Variants in CDH18 observed in about 807,000 individuals in gnomAD.
The protein encoded by CDH18 is cadherin-18.
CDH18 carries 31 observed loss-of-function variants against 67.9 expected under a neutral mutation model. The observed-to-expected ratio is 0.46, with a 90% CI of 0.34 to 0.62. CDH18 has a LOEUF of 0.62. Among genes scored for constraint, CDH18 ranks in the 20% least tolerant of loss-of-function variants. CDH18 has a pLI of 0.01. For missense variants in CDH18, 890 were observed against 975.5 expected (o/e 0.91, Z 1.17); for synonymous variants, 362 against 347.2 (o/e 1.04, Z -0.48).
intron 2 of CDH18, among the ~76,000 whole-genome samples, chr5:19,898,021 T>C (rs1039196279): frequency 2.0e-5 from 3 of 152,126 alleles, no homozygotes; most frequent in African/African-American, 7.2e-5. Context: ...TCTATATGCA[T>C]GTGATGCTTC....
At chr5:19,951,776 C>T (rs558816884) in intron 2 of CDH18, among the ~76,000 whole-genome samples, 1 of 152,074 alleles carries the variant, frequency 6.6e-6, no homozygotes, top group South Asian at 2.1e-4. Flanking sequence ...AAGGTGCCAG[C>T]TGTTTGTTAT....
intron 2 of CDH18, among the ~76,000 whole-genome samples, chr5:19,912,039 T>A (rs1404410709): frequency 6.6e-6 from 1 of 152,074 alleles, no homozygotes; most frequent in African/African-American, 2.4e-5. Context: ...TCTGGAAATC[T>A]AAGGAGTCAT....
chr5:19,789,935 T>C (rs937197099), intron 3 of CDH18, among the ~76,000 whole-genome samples: 6 of 151,972 alleles, frequency 3.9e-5, no homozygotes, highest in Non-Finnish European at 8.8e-5. Flanking sequence ...TGTATGTAAA[T>C]AATATATACA....
chr5:19,623,321 A>G (rs1001299548), intron 5 of CDH18, among the ~76,000 whole-genome samples: 1 of 152,202 alleles, frequency 6.6e-6, no homozygotes, highest in African/African-American at 2.4e-5. Flanking sequence ...CAGGAAACTT[A>G]CACTCTATGG....
intron 5 of CDH18, among the ~76,000 whole-genome samples, chr5:19,636,914 T>C (rs1348165969): frequency 3.3e-5 from 5 of 152,166 alleles, no homozygotes; most frequent in Admixed American, 1.3e-4. Flanking sequence ...TACATAACAA[T>C]GGATTTACCT....
At chr5:20,550,329 C>T (rs756945043) in intron 1 of CDH18, among the ~76,000 whole-genome samples, 1 of 152,032 alleles carries the variant, frequency 6.6e-6, no homozygotes, top group African/African-American at 2.4e-5. Flanking sequence ...TATGAAGAAA[C>T]AATTTAGAAA....
chr5:20,205,252 G>T (rs1224439548), intron 2 of CDH18, among the ~76,000 whole-genome samples: 2 of 151,790 alleles, frequency 1.3e-5, no homozygotes, highest in African/African-American at 4.8e-5. Flanking sequence ...AACATAAAAT[G>T]ACAAAATGTC....
At chr5:19,744,808 T>C (rs1769761443) in intron 4 of CDH18, among the ~76,000 whole-genome samples, 1 of 152,192 alleles carries the variant, frequency 6.6e-6, no homozygotes, top group African/African-American at 2.4e-5. Flanking sequence ...GAGGGTAACA[T>C]ATTCATTTTT....
chr5:19,975,952 C>A (rs62353345), intron 2 of CDH18, among the ~76,000 whole-genome samples: 64,900 of 151,906 alleles, frequency 0.43, 16,166 homozygotes, highest in Middle Eastern at 0.67. Context: ...GAGTGAGATG[C>A]TTTCTCAGAG....
rs2126476664 is a variant in CDH18, at chr5:19,471,828, G to A, written c.*1398C>T. Among the ~76,000 whole-genome samples, 1 of 152,252 alleles carries A rather than the reference G, an allele frequency of 6.6e-6. No individual in the cohort carries two copies. Among genetic ancestry groups the A allele is most frequent in the South Asian group, 2.1e-4 (1 of 4,830 alleles). Reference sequence around the variant, plus strand: ...TGATAATATTTTATGCCAGATGCATGTAAATATATATTTATAAGCTAATGA... The same window carrying A: ...TGATAATATTTTATGCCAGATGCATATAAATATATATTTATAAGCTAATGA... On this transcript the variant is annotated 3_prime_UTR_variant, in exon 13 of 13. Coordinates refer to ENST00000382275, the MANE Select transcript of CDH18 (RefSeq NM_004934.5).
chr5:19,706,968 G>C (rs183019913), intron 5 of CDH18, among the ~76,000 whole-genome samples: 1 of 152,184 alleles, frequency 6.6e-6, no homozygotes, highest in Admixed American at 6.5e-5. Flanking sequence ...GAAACCAGCT[G>C]TAAAGACAGA....
chr5:19,710,271 A>T (rs1156353635), intron 5 of CDH18, among the ~76,000 whole-genome samples: 2 of 152,206 alleles, frequency 1.3e-5, no homozygotes, highest in Non-Finnish European at 2.9e-5. Flanking sequence ...ATGAGCATTA[A>T]TATTAGAAAT....
chr5:20,381,330 G>A (rs1006316839), intron 1 of CDH18, among the ~76,000 whole-genome samples: 1 of 152,076 alleles, frequency 6.6e-6, no homozygotes, highest in East Asian at 1.9e-4. Context: ...AAAGGTTGGA[G>A]GAAGAGGTGG....
intron 2 of CDH18, among the ~76,000 whole-genome samples, chr5:20,182,924 G>A (rs181810364): frequency 2.6e-5 from 4 of 152,116 alleles, no homozygotes; most frequent in East Asian, 3.9e-4. Flanking sequence ...TCTCTATATC[G>A]AATGGGATGT....
intron 2 of CDH18, among the ~76,000 whole-genome samples, chr5:19,967,668 A>G (rs113049524): frequency 8.5e-5 from 13 of 152,162 alleles, no homozygotes; most frequent in Middle Eastern, 3.4e-3. Flanking sequence ...CACTGATCAC[A>G]AAAGAAGGTA....
At chr5:20,481,241 T>G (rs1306502491) in intron 1 of CDH18, among the ~76,000 whole-genome samples, 2 of 149,294 alleles carry the variant, frequency 1.3e-5, no homozygotes, top group African/African-American at 4.9e-5. Context: ...ACAAAGCAGA[T>G]CATTATATTA....
chr5:20,126,383 G>A (rs531581823), intron 2 of CDH18, among the ~76,000 whole-genome samples: 39 of 152,192 alleles, frequency 2.6e-4, no homozygotes, highest in African/African-American at 9.4e-4. Flanking sequence ...AAAGAAAAAG[G>A]CTTCATGAAG....
At chr5:19,858,879 G>A (rs1784565291) in intron 2 of CDH18, among the ~76,000 whole-genome samples, 1 of 151,732 alleles carries the variant, frequency 6.6e-6, no homozygotes, top group Non-Finnish European at 1.5e-5. Context: ...CAATATATTA[G>A]ACCTATTAAA....
intron 1 of CDH18, among the ~76,000 whole-genome samples, chr5:20,460,439 ATAAAAT>A (rs1452718285): frequency 2.8e-5 from 4 of 140,696 alleles, no homozygotes; most frequent in Non-Finnish European, 4.6e-5. Context: ...AAATAAATAA[ATAAAAT>A]ATGTTGCGTG....
Sources: gnomAD v4.1 joint callset for allele counts (sites outside exome capture counted in the v4.1 genomes callset) on GRCh38, gnomAD v4.1.1 for gene constraint, MANE v1.5 for transcripts, NCBI Gene and HGNC (gene_info 2026-07-23, HGNC 2026-07-21) for gene names.